Variants in DST observed in about 807,000 individuals in gnomAD.
The protein encoded by DST is bullous pemphigoid antigen.
Under a neutral mutation model 875.2 loss-of-function variants are expected in DST, and 253 were observed. The observed-to-expected ratio is 0.29, with a 90% CI of 0.26 to 0.32. The LOEUF (loss-of-function observed/expected upper bound fraction) is 0.32. Among genes scored for constraint, DST ranks in the 10% least tolerant of loss-of-function variants. The pLI is 1.00. For missense variants in DST, 8,287 were observed against 9,111.6 expected (o/e 0.91, Z 3.68); for synonymous variants, 3,124 against 3,197.1 (o/e 0.98, Z 0.77).
intron 66 of DST, 54 bp from the exon 67 acceptor site, chr6:56,528,979 T>A: frequency 9.3e-7 from 1 of 1,072,468 alleles, no homozygotes; most frequent in Non-Finnish European, 1.4e-6. Context: ...AAGTTAGCAT[T>A]AACATTAGTT....
chr6:56,704,412 T>C, intron 5 of DST, 43 bp from the exon 6 acceptor site: 2 of 875,124 alleles, frequency 2.3e-6, no homozygotes, highest in Non-Finnish European at 3.6e-6. Context: ...GAACTCAGAA[T>C]TATCCTTAAC....
chr6:56,628,145 C>T lies in DST; in HGVS notation c.4492G>A (p.Gly1498Ser). 6.2e-7 allele frequency: 1 copy of T among 1,613,560 alleles called. No homozygotes were observed. Among genetic ancestry groups the T allele is most frequent in the Non-Finnish European group, 8.5e-7 (1 of 1,179,562 alleles). Residue 1498 changes from glycine (G) to serine (S), a missense_variant, in exon 33 of 104, where the codon GGC becomes AGC. Transcript: ENST00000680361. ...QIDNRLRDLE[G>S]IGKSLKYYRD... is the part of the protein sequence containing the mutation. Reference sequence around the variant, plus strand: ...TAGTACTTCAGTGATTTGCCAATGCCCTCTAAGTCCCGTAACCTAAGAGAA... The same window carrying T: ...TAGTACTTCAGTGATTTGCCAATGCTCTCTAAGTCCCGTAACCTAAGAGAA...
chr6:56,526,819 T>C (rs1174677210), intron 68 of DST, among the ~76,000 whole-genome samples: 1 of 152,210 alleles, frequency 6.6e-6, no homozygotes, highest in Non-Finnish European at 1.5e-5. Context: ...TGAAATTTAA[T>C]ATAAATATTT....
chr6:56,622,824 C>A (rs1362038588), intron 36 of DST, among the ~76,000 whole-genome samples: 1 of 152,100 alleles, frequency 6.6e-6, no homozygotes, highest in East Asian at 1.9e-4. Flanking sequence ...TATCTAATAT[C>A]TATTACAGAT....
chr6:56,859,423 C>T (rs1433312780), intron 3 of DST, among the ~76,000 whole-genome samples: 1 of 151,996 alleles, frequency 6.6e-6, no homozygotes, highest in Non-Finnish European at 1.5e-5. Context: ...TCCACCTAAA[C>T]CCAATCATAT....
chr6:56,505,933 A>C (rs1002785100), intron 77 of DST, among the ~76,000 whole-genome samples: 2 of 152,192 alleles, frequency 1.3e-5, no homozygotes, highest in African/African-American at 2.4e-5. Context: ...AGAAGAAAAC[A>C]CTTTTTACAC....
At chr6:56,832,666 A>C (rs1400200319) in intron 4 of DST, among the ~76,000 whole-genome samples, 3 of 152,008 alleles carry the variant, frequency 2.0e-5, no homozygotes, top group African/African-American at 7.2e-5. Flanking sequence ...CAAGAGGTAT[A>C]AAATTCATAT....
In DST at chr6:56,604,902, G is replaced by A. The variant is rs371898001; in HGVS notation, c.9726C>T (p.Ile3242=). 1.3e-4 allele frequency: 214 copies of A among 1,612,464 alleles called. No individual in the cohort carries two copies. The African/African-American group carries it at 2.4e-3, about 18-fold the overall frequency. Residue 3242 remains isoleucine (I), a synonymous_variant, in exon 40 of 104, where the codon ATC becomes ATT. Coordinates refer to ENST00000680361, the MANE Select transcript of DST (RefSeq NM_001374736.1). ...TQKDSPLNDM[I]QSNDLCSKES... ...CTTTACTACAAAGATCATTGCTTTG[G>A]ATCATGTCATTAAGAGGTGAGTCTT...
intron 82 of DST, among the ~76,000 whole-genome samples, chr6:56,496,547 A>T (rs2095911512): frequency 2.0e-5 from 3 of 152,152 alleles, no homozygotes; most frequent in African/African-American, 7.2e-5. Context: ...TCATGCTTAT[A>T]ACAATAATTT....
At chr6:56,617,421 G>T in intron 36 of DST, 1 of 1,609,664 alleles carries the variant, frequency 6.2e-7, no homozygotes. Flanking sequence ...TTAGCTATCT[G>T]TAACAGGAAT....
rs908237733 is a variant in DST at position 56,954,553 on chromosome 6, G to A, written c.35C>T (p.Pro12Leu). 7.3e-7 allele frequency: 1 copy of A among 1,366,000 alleles called. No individual in the cohort carries two copies. The highest frequency in any genetic ancestry group is 9.8e-7 in the Non-Finnish European group (1 of 1,021,192). The allele number at this position is 1,366,000 out of a possible 1,614,324, so 84.6% of individuals were successfully genotyped here. A position where few individuals can be genotyped will look rare whatever the true frequency, so the allele number is the denominator to read the frequency against. ...IAAAFLVLLR[P>L]YSIQCALFLL... ...GAAGAGGGCACATTGGATGCTGTAGGGTCTCAGCAAGACGAGGAAAGCCGC... is the reference window on the plus strand; with the variant it reads ...GAAGAGGGCACATTGGATGCTGTAGAGTCTCAGCAAGACGAGGAAAGCCGC... The change falls in exon 1 of 104, where the codon CCC (proline) becomes CTC (leucine). Residue 12 changes from proline (P) to leucine (L), a missense_variant. By Grantham distance (98) the Pro-to-Leu change is moderately conservative. Around this residue, in one of 10 missense-constraint regions of DST, gnomAD observed 1,160 missense variants for 1,424.3 expected, o/e 0.81. Transcript: ENST00000680361.
At chr6:56,559,490 T>C (rs2097498561) in intron 58 of DST, among the ~76,000 whole-genome samples, 1 of 152,098 alleles carries the variant, frequency 6.6e-6, no homozygotes, top group Non-Finnish European at 1.5e-5. Flanking sequence ...GGAAGGACAA[T>C]ATTTAGTAAT....
intron 50 of DST, 38 bp from the exon 51 acceptor site, chr6:56,573,925 C>A (rs1331696823): frequency 2.0e-6 from 3 of 1,467,342 alleles, no homozygotes; most frequent in Non-Finnish European, 2.8e-6. Flanking sequence ...CCACAAAGTT[C>A]TCTTTGCCCT....
At chr6:56,691,227 G>A (rs997110079) in intron 9 of DST, among the ~76,000 whole-genome samples, 1 of 152,164 alleles carries the variant, frequency 6.6e-6, no homozygotes, top group South Asian at 2.1e-4. Flanking sequence ...ACATATAGTA[G>A]TCAAGTAGTT....
intron 2 of DST, among the ~76,000 whole-genome samples, chr6:56,901,255 A>G (rs905471518): frequency 3.3e-5 from 5 of 152,266 alleles, no homozygotes; most frequent in Non-Finnish European, 5.9e-5. Flanking sequence ...TACAAAATGT[A>G]TAACATTCCA....
chr6:56,463,832 TG>T (rs1562154545), intron 100 of DST, 68 bp from the exon 101 acceptor site: 1 of 1,529,380 alleles, frequency 6.5e-7, no homozygotes, highest in East Asian at 2.2e-5. Flanking sequence ...CAATCGTTAA[TG>T]GGAAGAACGG....
chr6:56,820,606 C>T (rs747617369), intron 4 of DST, among the ~76,000 whole-genome samples: 1 of 152,062 alleles, frequency 6.6e-6, no homozygotes, highest in South Asian at 2.1e-4. Flanking sequence ...CAACTCTGCA[C>T]GCAGTGACAT....
rs947446833 is a variant in DST, at chr6:56,921,839, G to C, written c.217-21218C>G. Among the ~76,000 whole-genome samples the C allele has an allele frequency of 1.1e-4, 16 of 151,884 alleles. 1 individual carries two copies. Among genetic ancestry groups the C allele is most frequent in the Non-Finnish European group, 2.2e-4 (15 of 67,976 alleles). ...ATATTTATCTCCAACATATAAAAAA[G>C]GAAGAAAAATCTAAATGGACTATAA... On this transcript the variant is annotated intron_variant, in intron 2 of 103. Coordinates refer to ENST00000680361, the MANE Select transcript of DST (RefSeq NM_001374736.1).
chr6:56,866,468 C>A lies in DST; in HGVS notation c.418-14864G>T, dbSNP rs566692636. Among the ~76,000 whole-genome samples, 15 of 152,352 alleles carry A rather than the reference C, an allele frequency of 9.8e-5. 1 individual carries two copies. The highest frequency in any genetic ancestry group is 2.0e-4 in the Admixed American group (3 of 15,306). ...AGTCAGAGTACATCATGCCTGTGCT[C>A]AAAACCCTCCTGTGGCTTTCCACTT... On this transcript the variant is annotated intron_variant, in intron 3 of 103. Coordinates refer to ENST00000680361, the MANE Select transcript of DST (RefSeq NM_001374736.1).
Sources: allele counts gnomAD v4.1 joint callset (sites outside exome capture counted in the v4.1 genomes callset), GRCh38; gene constraint gnomAD v4.1.1; regional missense constraint gnomAD v4.1.1; transcripts MANE v1.5; gene names NCBI Gene and HGNC (gene_info 2026-07-23, HGNC 2026-07-21).